The following CLK3 variants were observed in gnomAD, a reference collection of about 807,000 sequenced individuals.
The protein encoded by CLK3 is CDC like kinase 3.
A neutral mutation model predicts 65.2 loss-of-function variants in CLK3; 24 were observed. That is an observed-to-expected ratio of 0.37 (90% confidence interval 0.27 to 0.52). The LOEUF (loss-of-function observed/expected upper bound fraction) is 0.52, where lower values mean the gene tolerates loss of function less well. CLK3 is among the 20% of genes least tolerant of loss of function. The pLI, the probability that CLK3 is intolerant of heterozygous loss-of-function variation, is 0.92. For missense variants in CLK3, 506 were observed against 660.0 expected (o/e 0.77, Z 2.56); for synonymous variants, 252 against 240.8 (o/e 1.05, Z -0.43).
upstream of CLK3, among the ~76,000 whole-genome samples, chr15:74,612,481 T>C (rs886656256): frequency 2.6e-5 from 4 of 152,040 alleles, no homozygotes; most frequent in African/African-American, 7.3e-5. Context: ...GTCCACTGCC[T>C]CCCAACTCCC....
At chr15:74,628,914 C>A in intron 11 of CLK3, 28 bp from the exon 12 acceptor site, 1 of 1,526,696 alleles carries the variant, frequency 6.6e-7, no homozygotes, top group Non-Finnish European at 9.1e-7. Context: ...ACTACTCCCA[C>A]ACTTGACTCC....
rs1287845068 is a variant in CLK3, at chr15:74,622,055, T to G, written c.370-65T>G. On this transcript the variant is annotated intron_variant, in intron 3 of 12. Transcript: ENST00000395066. The surrounding 1 kb of genome is among the most constrained non-coding windows in gnomAD (Gnocchi z 4.6). ...CCTCTGCCTTTGACTGACACCTCAA[T>G]CTGTCAATCGGAACCGCCTACCATG... 6.8e-7 allele frequency: 1 copy of G among 1,473,404 alleles called. No homozygotes were observed. The highest frequency in any genetic ancestry group is 9.5e-7 in the Non-Finnish European group (1 of 1,053,498). The allele number at this position is 1,473,404 out of a possible 1,614,324, so 91.3% of individuals were successfully genotyped here. A position where few individuals can be genotyped will look rare whatever the true frequency, so the allele number is the denominator to read the frequency against.
Position 74,620,041 on chromosome 15 carries a change from G to GTAC in CLK3, c.185_186insTAC (p.Arg62_Glu63insThr). On this transcript the variant is annotated inframe_insertion, in exon 3 of 13. Coordinates refer to ENST00000395066, the MANE Select transcript of CLK3 (RefSeq NM_001130028.2). ...CGCCTGCCCTACCAGAGGAGGTACC[G>GTAC]GGAGCGCCGTGACAGCGATACATAC... The GTAC allele has an allele frequency of 6.2e-7, 1 of 1,614,182 alleles. No individual in the cohort carries two copies. Among genetic ancestry groups the GTAC allele is most frequent in the Non-Finnish European group, 8.5e-7 (1 of 1,180,030 alleles).
rs1325683005 is a variant in CLK3 at position 74,620,084 on chromosome 15, C to A, written c.228C>A (p.Ser76Arg). 1.2e-6 allele frequency: 2 copies of A among 1,614,182 alleles called. No individual in the cohort carries two copies. The highest frequency in any genetic ancestry group is 1.7e-6 in the Non-Finnish European group (2 of 1,180,030). The change falls in exon 3 of 13, where the codon AGC (serine) becomes AGA (arginine). Residue 76 changes from serine to arginine, a missense_variant. Physicochemically the swap from Ser to Arg is moderately radical, Grantham distance 110 (BLOSUM62 -1). Around this residue, in one of 2 missense-constraint regions of CLK3, gnomAD observed 181 missense variants for 159.4 expected, o/e 1.14. Coordinates refer to ENST00000395066, the MANE Select transcript of CLK3 (RefSeq NM_001130028.2). ...DSDTYRCEER[S>R]PSFGEDYYGP... is the part of the protein sequence containing the mutation. ...ATACATACCGGTGTGAAGAGCGGAGCCCATCCTTTGGAGAGGACTACTATG... is the reference window on the plus strand; with the variant it reads ...ATACATACCGGTGTGAAGAGCGGAGACCATCCTTTGGAGAGGACTACTATG...
upstream of CLK3, among the ~76,000 whole-genome samples, chr15:74,611,408 C>CA (rs2061987849): frequency 6.6e-6 from 1 of 152,244 alleles, no homozygotes; most frequent in South Asian, 2.1e-4. Context: ...GACAGGGCCT[C>CA]ACTTTCTGCT....
In CLK3 at chr15:74,629,356, G is replaced by C. The variant is rs1008743285; in HGVS notation, c.1296+324G>C. On this transcript the variant is annotated intron_variant, in intron 12 of 12. Coordinates refer to ENST00000395066, the MANE Select transcript of CLK3 (RefSeq NM_001130028.2). ...GAAGAACTAGGCAGGACTGAGGTGA[G>C]GGGGAGGGAAGACCTAGACATGGCC... The C allele has an allele frequency of 6.4e-5, 34 of 529,748 alleles. No individual in the cohort carries two copies. In the East Asian group the frequency reaches 1.1e-3, roughly 17 times the overall value. The allele number at this position is 529,748 out of a possible 1,614,324, so 32.8% of individuals were successfully genotyped here. A position where few individuals can be genotyped will look rare whatever the true frequency, so the allele number is the denominator to read the frequency against.
rs1341573866 is a variant in CLK3, at chr15:74,630,197, G to T, written c.*314G>T. On this transcript the variant is annotated 3_prime_UTR_variant, in exon 13 of 13. Transcript: ENST00000395066. ...CTTATTAATAAAGTCTTTCTTAGCA[G>T]TTCAGCTTGTGGAGAGCTAAGTGTG... 3 of 277,740 alleles carry T rather than the reference G, an allele frequency of 1.1e-5. No homozygotes were observed. The Admixed American group carries it at 1.4e-4, about 13-fold the overall frequency. 17.2% of individuals were successfully genotyped at this position (277,740 alleles called of 1,614,324 possible).
rs563809339 is a variant in CLK3 at position 74,627,948 on chromosome 15, C to T, written c.1043-22C>T. ...GAAGCATAAGGCCGGATCTCACAGC[C>T]TCTCCCCATCTTGGCTTGCAGAGCT... On this transcript the variant is annotated intron_variant, in intron 9 of 12. Transcript: ENST00000395066. This position sits in a 1 kb window ranked among gnomAD's most constrained non-coding sequence, Gnocchi z 4.3. 2.5e-6 allele frequency: 4 copies of T among 1,581,920 alleles called. No homozygotes were observed. In the South Asian group the frequency reaches 4.4e-5, roughly 17 times the overall value.
chr15:74,609,511 T>C (rs1023950785), intron 1 of CLK3, among the ~76,000 whole-genome samples: 3 of 152,254 alleles, frequency 2.0e-5, no homozygotes, highest in African/African-American at 7.2e-5. Context: ...CCCTTGCCTC[T>C]GCCCCCTGGT....
At position 74,628,893 on chromosome 15, in the gene CLK3, C is replaced by A. The variant is rs576201065; in HGVS notation, c.1206-49C>A. 1.1e-5 allele frequency: 15 copies of A among 1,367,720 alleles called. No homozygotes were observed. The East Asian group carries it at 2.5e-4, about 23-fold the overall frequency. 84.7% of individuals were successfully genotyped at this position (1,367,720 alleles called of 1,614,324 possible). On this transcript the variant is annotated intron_variant, in intron 11 of 12. Coordinates refer to ENST00000395066, the MANE Select transcript of CLK3 (RefSeq NM_001130028.2). ...GCTCTTCCCCACCTCCCACCAGAGGCTTGTCCCCTTACTACTCCCACACTT... is the reference window on the plus strand; with the variant it reads ...GCTCTTCCCCACCTCCCACCAGAGGATTGTCCCCTTACTACTCCCACACTT...
intron 7 of CLK3, 120 bp downstream of exon 7, chr15:74,626,088 C>A: frequency 1.8e-6 from 2 of 1,129,324 alleles, no homozygotes; most frequent in Non-Finnish European, 2.6e-6. Flanking sequence ...GCCTGAGGGA[C>A]ACCAGATCCC....
Position 74,627,059 on chromosome 15 carries a change from A to T in CLK3, c.818-293A>T. On this transcript the variant is annotated intron_variant, in intron 7 of 12. Coordinates refer to ENST00000395066, the MANE Select transcript of CLK3 (RefSeq NM_001130028.2). This position sits in a 1 kb window ranked among gnomAD's most constrained non-coding sequence, Gnocchi z 4.3. ...CGAGGCTGTTGCTGTAGCTCTGCTG[A>T]GAGACAGGTGAGGAGGCCTGGTCTC... 1.9e-6 allele frequency: 1 copy of T among 527,780 alleles called. No homozygotes were observed. Among genetic ancestry groups the T allele is most frequent in the Middle Eastern group, 2.9e-4 (1 of 3,390 alleles). 32.7% of individuals were successfully genotyped at this position (527,780 alleles called of 1,614,324 possible). A position where few individuals can be genotyped will look rare whatever the true frequency, so the allele number is the denominator to read the frequency against.
chr15:74,616,022 A>G (rs1450902943), intron 1 of CLK3, 124 bp downstream of exon 1: 5 of 778,456 alleles, frequency 6.4e-6, no homozygotes, highest in Non-Finnish European at 8.7e-6. Flanking sequence ...TCTTCGGCCC[A>G]TATCGGGCCG....
At position 74,627,611 on chromosome 15, in the gene CLK3, G is replaced by A; in HGVS notation, c.985G>A (p.Glu329Lys). Residue 329 changes from glutamate (E) to lysine (K), a missense_variant, in exon 9 of 13, where the codon GAG becomes AAG. By Grantham distance (56) the Glu-to-Lys change is moderately conservative. Around this residue, in one of 2 missense-constraint regions of CLK3, gnomAD observed 325 missense variants for 500.5 expected, o/e 0.65. Coordinates refer to ENST00000395066, the MANE Select transcript of CLK3 (RefSeq NM_001130028.2). The surrounding 1 kb of genome is among the most constrained non-coding windows in gnomAD (Gnocchi z 4.3). ...CTTTGGCAGTGCCACATTTGACCATGAGCACCACACCACCATTGTGGCCAC... is the reference window on the plus strand; with the variant it reads ...CTTTGGCAGTGCCACATTTGACCATAAGCACCACACCACCATTGTGGCCAC... ...ADFGSATFDH[E>K]HHTTIVATRH... 4 of 1,614,126 alleles carry A rather than the reference G, an allele frequency of 2.5e-6. No homozygotes were observed. Among genetic ancestry groups the A allele is most frequent in the Non-Finnish European group, 3.4e-6 (4 of 1,180,032 alleles).
Position 74,620,236 on chromosome 15 carries a change from G to A in CLK3, c.369+11G>A. The A allele has an allele frequency of 6.2e-7, 1 of 1,613,718 alleles. No homozygotes were observed. The highest frequency in any genetic ancestry group is 8.5e-7 in the Non-Finnish European group (1 of 1,179,882). On this transcript the variant is annotated intron_variant, in intron 3 of 12. Transcript: ENST00000395066. ...AGCAGCGCCTCCTCGGTGAGTGGTAGCCAGAGTGTGCTGGCTGGGGCTTAA... is the reference window on the plus strand; with the variant it reads ...AGCAGCGCCTCCTCGGTGAGTGGTAACCAGAGTGTGCTGGCTGGGGCTTAA...
At chr15:74,625,390 A>G (rs577142592) in intron 6 of CLK3, among the ~76,000 whole-genome samples, 6 of 152,296 alleles carry the variant, frequency 3.9e-5, no homozygotes, top group Admixed American at 3.3e-4. Context: ...GCCTGGGCAG[A>G]TGGGTGAATC....
At position 74,625,895 on chromosome 15, in the gene CLK3, G is replaced by A. The variant is rs767512229; in HGVS notation, c.744G>A (p.Lys248=). 5 of 1,614,200 alleles carry A rather than the reference G, an allele frequency of 3.1e-6. No homozygotes were observed. Among genetic ancestry groups the A allele is most frequent in the Non-Finnish European group, 4.2e-6 (5 of 1,180,036 alleles). ...LLGKNTFEFL[K]ENNFQPYPLP... ...GCAAGAACACCTTTGAGTTCCTGAA[G>A]GAGAATAACTTCCAGCCTTACCCCC... Residue 248 remains lysine, a synonymous_variant, in exon 7 of 13, where the codon AAG becomes AAA. Transcript: ENST00000395066.
chr15:74,620,009 C>T lies in CLK3; in HGVS notation c.153C>T (p.Ser51=), dbSNP rs371347609. Residue 51 remains serine, a splice_region_variant and synonymous_variant, in exon 3 of 13, where the codon AGC becomes AGT. Transcript: ENST00000395066. ...EPPPRRSRSR[S]HDRLPYQRRY... ...AGCGTCCCCATCCCCCTTTTGGCAGCCATGACCGCCTGCCCTACCAGAGGA... is the reference window on the plus strand; with the variant it reads ...AGCGTCCCCATCCCCCTTTTGGCAGTCATGACCGCCTGCCCTACCAGAGGA... 2 of 1,614,070 alleles carry T rather than the reference C, an allele frequency of 1.2e-6. No individual in the cohort carries two copies. Among genetic ancestry groups the T allele is most frequent in the African/African-American group, 2.7e-5 (2 of 75,068 alleles).
intron 1 of CLK3, 171 bp from the exon 2 acceptor site, chr15:74,619,026 G>A: frequency 1.4e-6 from 1 of 709,600 alleles, no homozygotes; most frequent in Non-Finnish European, 2.4e-6. Flanking sequence ...ATTGTCTGCT[G>A]TTTGACCAGT....
Sources: allele counts gnomAD v4.1 joint callset (sites outside exome capture counted in the v4.1 genomes callset), GRCh38; gene constraint gnomAD v4.1.1; regional missense constraint gnomAD v4.1.1; non-coding constraint Gnocchi (gnomAD v3.1); transcripts MANE v1.5; gene names NCBI Gene and HGNC (gene_info 2026-07-23, HGNC 2026-07-21).